OPCML: variants seen among roughly 807,000 people sequenced by gnomAD.
OPCML encodes opioid binding protein/cell adhesion molecule like.
Under a neutral mutation model 37.8 loss-of-function variants are expected in OPCML, and 13 were observed. The observed-to-expected ratio is 0.34, with a 90% CI of 0.22 to 0.55. The LOEUF (loss-of-function observed/expected upper bound fraction) is 0.55. Among genes scored for constraint, OPCML ranks in the 20% least tolerant of loss-of-function variants. The pLI, the probability that OPCML is intolerant of heterozygous loss-of-function variation, is 0.91. For synonymous variants in OPCML, 176 were observed against 168.8 expected, an observed-to-expected ratio of 1.04 and a Z score of -0.33; for missense variants, 341 against 435.6, an observed-to-expected ratio of 0.78 and a Z score of 1.93.
At chr11:132,945,583 G>C (rs1024588148) in intron 1 of OPCML, among the ~76,000 whole-genome samples, 2 of 152,080 alleles carry the variant, frequency 1.3e-5, no homozygotes, top group African/African-American at 4.8e-5. Context: ...TATATAATTA[G>C]GCTACCCTAA....
At chr11:133,301,661 C>T (rs1942781043) in intron 1 of OPCML, 1 of 152,088 alleles carries the variant, frequency 6.6e-6, no homozygotes, top group African/African-American at 2.4e-5. Flanking sequence ...AACTGGAAGT[C>T]TCACTTAAAA....
chr11:133,271,920 A>G (rs1298470130), intron 1 of OPCML, among the ~76,000 whole-genome samples: 1 of 152,238 alleles, frequency 6.6e-6, no homozygotes, highest in Non-Finnish European at 1.5e-5. Flanking sequence ...TAGTCCCTGC[A>G]TCTGTGATGC....
Position 132,657,048 on chromosome 11 carries a change from C to T in OPCML, c.379+39G>A, listed in dbSNP as rs767968449. The T allele has an allele frequency of 1.5e-5, 24 of 1,602,120 alleles. No individual in the cohort carries two copies. The Admixed American group carries it at 3.9e-4, about 26-fold the overall frequency. On this transcript the variant is annotated intron_variant, in intron 3 of 7. Coordinates refer to ENST00000524381, the MANE Select transcript of OPCML (RefSeq NM_001012393.5). ...CCAACACTGTTCTTCCCCTCCATCA[C>T]TGACGGGAATGGCAACCCCAGATCC...
intron 2 of OPCML, among the ~76,000 whole-genome samples, chr11:132,933,855 C>G (rs191850063): frequency 2.8e-4 from 43 of 152,244 alleles, no homozygotes; most frequent in South Asian, 1.2e-3. Flanking sequence ...ATTCCTCCCC[C>G]CTCTTACACA....
At chr11:132,973,074 T>G (rs971348762) in intron 1 of OPCML, among the ~76,000 whole-genome samples, 1 of 152,202 alleles carries the variant, frequency 6.6e-6, no homozygotes, top group African/African-American at 2.4e-5. Context: ...GTTGTTTGTT[T>G]GTTTTTAATC....
At chr11:133,169,202 G>T (rs1016882476) in intron 1 of OPCML, among the ~76,000 whole-genome samples, 3 of 152,246 alleles carry the variant, frequency 2.0e-5, no homozygotes, top group South Asian at 2.1e-4. Flanking sequence ...AGAAACTGGG[G>T]CACAGAGAGA....
chr11:132,705,206 G>A (rs1232356036), intron 2 of OPCML, among the ~76,000 whole-genome samples: 1 of 152,050 alleles, frequency 6.6e-6, no homozygotes, highest in Non-Finnish European at 1.5e-5. Flanking sequence ...ATTGGATCAT[G>A]GGAGTGGATT....
intron 2 of OPCML, among the ~76,000 whole-genome samples, chr11:132,933,044 G>A (rs776713238): frequency 2.4e-4 from 37 of 152,080 alleles, no homozygotes; most frequent in Non-Finnish European, 3.8e-4. Flanking sequence ...CCATTGACTC[G>A]CCCATCATAA....
At chr11:133,008,474 C>A in intron 1 of OPCML, 2 of 951,780 alleles carry the variant, frequency 2.1e-6, no homozygotes, top group Non-Finnish European at 2.5e-6. Flanking sequence ...CCCCAGATTC[C>A]CTTTGGGAGA....
At chr11:133,507,036 T>C (rs2120587287) in intron 1 of OPCML, among the ~76,000 whole-genome samples, 1 of 152,354 alleles carries the variant, frequency 6.6e-6, no homozygotes, top group East Asian at 1.9e-4. Context: ...CCACTTCCCA[T>C]TTTCATCCTG....
chr11:133,408,218 G>A (rs78817088), intron 1 of OPCML, among the ~76,000 whole-genome samples: 14,923 of 152,148 alleles, frequency 0.098, 1,066 homozygotes, highest in African/African-American at 0.18. Context: ...TTTGAGATGC[G>A]TGTGAGCATA....
chr11:132,838,755 A>G (rs1941155455), intron 2 of OPCML, among the ~76,000 whole-genome samples: 1 of 152,132 alleles, frequency 6.6e-6, no homozygotes, highest in Admixed American at 6.5e-5. Flanking sequence ...TTGCAAAGTA[A>G]GAGAGTGGAA....
intron 1 of OPCML, among the ~76,000 whole-genome samples, chr11:133,272,220 T>C (rs1941858803): frequency 6.7e-6 from 1 of 148,948 alleles, no homozygotes; most frequent in African/African-American, 2.5e-5. Context: ...GTTGAAGTGG[T>C]CTTTATTTAA....
chr11:132,500,294 A>G (rs1373972048), intron 4 of OPCML, among the ~76,000 whole-genome samples: 1 of 152,196 alleles, frequency 6.6e-6, no homozygotes, highest in African/African-American at 2.4e-5. Flanking sequence ...ATCCTCATCC[A>G]ATTTGATAGG....
chr11:132,898,844 C>CA (rs1433169835), intron 2 of OPCML, among the ~76,000 whole-genome samples: 29 of 151,780 alleles, frequency 1.9e-4, no homozygotes, highest in African/African-American at 7.0e-4. Context: ...GACTGCCCCC[C>CA]CCACCCCCGC....
intron 2 of OPCML, among the ~76,000 whole-genome samples, chr11:132,734,896 T>A (rs1945199064): frequency 6.6e-6 from 1 of 152,020 alleles, no homozygotes; most frequent in African/African-American, 2.4e-5. Flanking sequence ...TATAGAAAAG[T>A]GAAAAAAATG....
intron 3 of OPCML, among the ~76,000 whole-genome samples, chr11:132,568,817 C>T (rs2094404780): frequency 6.6e-6 from 1 of 152,124 alleles, no homozygotes. Context: ...CCATTAAAAT[C>T]CATTTATTTA....
chr11:132,458,417 C>T (rs2096089770), intron 4 of OPCML, among the ~76,000 whole-genome samples: 1 of 152,126 alleles, frequency 6.6e-6, no homozygotes, highest in African/African-American at 2.4e-5. Flanking sequence ...AAGATAAAGA[C>T]CGGTGATTCC....
At chr11:132,889,885 C>T (rs867817407) in intron 2 of OPCML, among the ~76,000 whole-genome samples, 10 of 152,290 alleles carry the variant, frequency 6.6e-5, no homozygotes, top group Middle Eastern at 3.4e-3. Context: ...AGAAATACGT[C>T]AAAGTTTAAT....
Sources: gnomAD v4.1 joint callset for allele counts (sites outside exome capture counted in the v4.1 genomes callset) on GRCh38, gnomAD v4.1.1 for gene constraint, MANE v1.5 for transcripts, NCBI Gene and HGNC (gene_info 2026-07-23, HGNC 2026-07-21) for gene names.